ZNF709: variants seen among roughly 807,000 people sequenced by gnomAD.
ZNF709 encodes zinc finger protein 709.
In ZNF709, 15 loss-of-function variants were observed where a neutral mutation model predicts 10.6. That is an observed-to-expected ratio of 1.41 (90% CI 0.95 to 2.18). ZNF709 has a LOEUF of 2.18. Among genes scored for constraint, ZNF709 ranks in the 30% most tolerant of loss-of-function variants. ZNF709 has a pLI of 0.00. For synonymous variants in ZNF709, 194 were observed against 238.8 expected (o/e 0.81, Z 1.73); for missense variants, 589 against 774.0 (o/e 0.76, Z 2.84).
intron 3 of ZNF709, among the ~76,000 whole-genome samples, chr19:12,466,212 A>AT (rs1176734524): frequency 2.6e-5 from 4 of 152,228 alleles, no homozygotes; most frequent in Non-Finnish European, 5.9e-5. Context: ...AAGTGCTAGG[A>AT]TTACAGGCAT....
chr19:12,468,435 A>T (rs530527660), intron 1 of ZNF709, among the ~76,000 whole-genome samples: 1 of 151,958 alleles, frequency 6.6e-6, no homozygotes. Context: ...GTGTCCACTC[A>T]GGGTTAAATG....
At chr19:12,467,423 G>A (rs997503282) in intron 1 of ZNF709, among the ~76,000 whole-genome samples, 2 of 152,340 alleles carry the variant, frequency 1.3e-5, no homozygotes, top group African/African-American at 2.4e-5. Flanking sequence ...GATTGCAGAC[G>A]GAGTCTCGTT....
chr19:12,465,093 C>T lies in ZNF709; in HGVS notation c.829G>A (p.Glu277Lys), dbSNP rs148352272. ...CATTGCTTACACTGATAGGGTTTTT[C>T]CCCAGTGTGAGTCCTTTCATGTATT... is the stretch of plus-strand genomic sequence containing the variant. ...FQIHERTHTGEKPYQCKQCGK... is the reference protein window; with the variant it reads ...FQIHERTHTGKKPYQCKQCGK... The change falls in exon 4 of 4, where the codon GAA becomes AAA. Residue 277 changes from glutamate to lysine, a missense_variant. Coordinates refer to ENST00000397732, the MANE Select transcript of ZNF709 (RefSeq NM_152601.4). 2.0e-5 allele frequency: 33 copies of T among 1,612,330 alleles called. No homozygotes were observed. The East Asian group carries it at 6.2e-4, about 30-fold the overall frequency.
rs1394079903 is a variant in ZNF709 at position 12,465,513 on chromosome 19, C to T, written c.409G>A (p.Glu137Lys). Reference sequence around the variant, plus strand: ...CATTCCTTACATTCATATGATTTCTCTCCATATTTGTGATATTCATATGAT... The same window carrying T: ...CATTCCTTACATTCATATGATTTCTTTCCATATTTGTGATATTCATATGAT... ...HRSYEYHKYGEKSYECKECGK... is the reference protein window; with the variant it reads ...HRSYEYHKYGKKSYECKECGK... Residue 137 changes from glutamate (E) to lysine (K), a missense_variant, in exon 4 of 4, where the codon GAG becomes AAG. This residue lies in a region of ZNF709 where 418 missense variants were observed against 496.3 expected (regional missense o/e 0.84). Transcript: ENST00000397732. The T allele has an allele frequency of 6.2e-7, 1 of 1,610,134 alleles. No homozygotes were observed. Among genetic ancestry groups the T allele is most frequent in the Non-Finnish European group, 8.5e-7 (1 of 1,178,720 alleles).
chr19:12,465,156 G>A lies in ZNF709; in HGVS notation c.766C>T (p.Gln256Ter), dbSNP rs1414117159. ...TAATATCTGAAAGCTTTTCCACATT[G>A]TTTACATTCATAGGGTTTCTCTCCA... Reference protein sequence around the residue: ...HSGEKPYECKQCGKAFRYYQT... With the variant: ...HSGEKPYECK The change falls in exon 4 of 4, where the codon CAA (glutamine) becomes TAA (stop). Residue 256 changes from glutamine (Q) to a stop codon, truncating the protein, a stop_gained. Transcript: ENST00000397732. LOFTEE classifies it low-confidence loss of function (END_TRUNC). 6.2e-7 allele frequency: 1 copy of A among 1,612,718 alleles called. No individual in the cohort carries two copies. The highest frequency in any genetic ancestry group is 8.5e-7 in the Non-Finnish European group (1 of 1,179,694).
chr19:12,465,456 G>T lies in ZNF709; in HGVS notation c.466C>A (p.Arg156=). The change falls in exon 4 of 4, where the codon CGA becomes AGA. Residue 156 remains arginine, a synonymous_variant. Coordinates refer to ENST00000397732, the MANE Select transcript of ZNF709 (RefSeq NM_152601.4). The stretch of plus-strand genomic sequence containing the variant: ...CCAGTGTGAGTTCTTTCATGTATTC[G>T]AAATGAACTTCGAAAGCTGAATCTT... ...GKRFSFRSSF[R]IHERTHTGEK... The T allele has an allele frequency of 6.2e-7, 1 of 1,610,840 alleles. No homozygotes were observed. Among genetic ancestry groups the T allele is most frequent in the Non-Finnish European group, 8.5e-7 (1 of 1,178,898 alleles).
intron 1 of ZNF709, among the ~76,000 whole-genome samples, chr19:12,482,050 G>A (rs1243487202): frequency 2.0e-5 from 3 of 151,736 alleles, no homozygotes; most frequent in Admixed American, 1.3e-4. Flanking sequence ...TGTAATCCCA[G>A]CACTTTGAGA....
At chr19:12,475,188 G>A (rs776818741) in intron 1 of ZNF709, among the ~76,000 whole-genome samples, 16 of 150,086 alleles carry the variant, frequency 1.1e-4, no homozygotes, top group Non-Finnish European at 2.4e-4. Flanking sequence ...AACCCAGGAT[G>A]CGGAGGTTGC....
intron 1 of ZNF709, among the ~76,000 whole-genome samples, chr19:12,481,904 C>A: frequency 5.6e-5 from 4 of 70,868 alleles, no homozygotes; most frequent in African/African-American, 1.7e-4. Context: ...GAGTGAGACA[C>A]TGACTTAAAA....
Position 12,465,395 on chromosome 19 carries a change from G to C in ZNF709, c.527C>G (p.Ala176Gly). ...KPYKCKQCGK[A>G]FSWPSSFQIH... ...TTGAAAGGAACTGGGCCAACTGAAA[G>C]CCTTACCACACTGTTTACATTTATA... Residue 176 changes from alanine to glycine, a missense_variant, in exon 4 of 4, where the codon GCT (alanine) becomes GGT (glycine). Around this residue, in one of 2 missense-constraint regions of ZNF709, gnomAD observed 418 missense variants for 496.3 expected, o/e 0.84. Coordinates refer to ENST00000397732, the MANE Select transcript of ZNF709 (RefSeq NM_152601.4). 2 of 1,613,810 alleles carry C rather than the reference G, an allele frequency of 1.2e-6. No individual in the cohort carries two copies. Among genetic ancestry groups the C allele is most frequent in the African/African-American group, 2.7e-5 (2 of 75,002 alleles).
intron 3 of ZNF709, 32 bp downstream of exon 3, chr19:12,466,430 A>C: frequency 6.3e-7 from 1 of 1,592,592 alleles, no homozygotes; most frequent in Non-Finnish European, 8.6e-7. Context: ...TTCTCTCATA[A>C]GACAGTATTT....
intron 3 of ZNF709, 78 bp from the exon 4 acceptor site, chr19:12,465,811 A>G (rs1970565551): frequency 1.7e-6 from 2 of 1,181,254 alleles, no homozygotes; most frequent in Admixed American, 7.0e-5. Flanking sequence ...TGATTATTTC[A>G]CAATCATTAG....
chr19:12,465,869 A>G lies in ZNF709; in HGVS notation c.189-136T>C. ...GCCATTTTCAGGGAAAGTGTATGTC[A>G]TGAATGCTCAGGAAGAGTACTTGAC... On this transcript the variant is annotated intron_variant, in intron 3 of 3. Coordinates refer to ENST00000397732, the MANE Select transcript of ZNF709 (RefSeq NM_152601.4). 8 of 607,006 alleles carry G rather than the reference A, an allele frequency of 1.3e-5. No homozygotes were observed. The South Asian group carries it at 2.8e-4, about 21-fold the overall frequency. The allele number at this position is 607,006 out of a possible 1,614,324, so 37.6% of individuals were successfully genotyped here.
chr19:12,475,063 GC>G (rs1185609191), intron 1 of ZNF709, among the ~76,000 whole-genome samples: 1 of 151,862 alleles, frequency 6.6e-6, no homozygotes, highest in Non-Finnish European at 1.5e-5. Context: ...TTGGACACCA[GC>G]CTGTCCAAAG....
In ZNF709 at chr19:12,461,451, T is replaced by TA. The variant is rs1405060130; in HGVS notation, c.*2544dup. ...CTTATTCTTACACTGTAGGACTGGG[T>TA]AAGTGCATTCCCTGCACAGTGCAGT... On this transcript the variant is annotated 3_prime_UTR_variant, in exon 4 of 4. Transcript: ENST00000397732. 1 of 152,112 alleles carries TA rather than the reference T, an allele frequency of 6.6e-6. No individual in the cohort carries two copies. The highest frequency in any genetic ancestry group is 1.5e-5 in the Non-Finnish European group (1 of 68,022). 9.4% of individuals were successfully genotyped at this position (152,112 alleles called of 1,614,324 possible).
chr19:12,464,953 A>G lies in ZNF709; in HGVS notation c.969T>C (p.Phe323=). Residue 323 remains phenylalanine (F), a synonymous_variant, in exon 4 of 4, where the codon TTT becomes TTC. Coordinates refer to ENST00000397732, the MANE Select transcript of ZNF709 (RefSeq NM_152601.4). ...CTGTATGAATTCTTTCATGTTTTCT[A>G]AAGGAACTAGGAAAACTGAAGGCTT... ...CGKAFSFPSS[F]RKHERIHTGE... The G allele has an allele frequency of 6.2e-7, 1 of 1,605,000 alleles. No individual in the cohort carries two copies. The highest frequency in any genetic ancestry group is 8.5e-7 in the Non-Finnish European group (1 of 1,177,130).
At chr19:12,466,409 G>T in intron 3 of ZNF709, 53 bp downstream of exon 3, 2 of 1,486,774 alleles carry the variant, frequency 1.3e-6, no homozygotes, top group Non-Finnish European at 1.9e-6. Context: ...AAACCTAATG[G>T]CATGCTAAGA....
At chr19:12,475,252 C>T (rs1432507632) in intron 1 of ZNF709, among the ~76,000 whole-genome samples, 2 of 53,608 alleles carry the variant, frequency 3.7e-5, no homozygotes, top group African/African-American at 5.8e-5. Flanking sequence ...AGTGAGATTC[C>T]GTCTTAAAAA....
rs895225193 is a variant in ZNF709 at position 12,467,970 on chromosome 19, G to A, written c.4-1120C>T. ...CCGCACGGCCAGCCGCCCCGTCCGG[G>A]AGGGAGGTGGGGGTCAGCCCCCGCA... On this transcript the variant is annotated intron_variant, in intron 1 of 3. Coordinates refer to ENST00000397732, the MANE Select transcript of ZNF709 (RefSeq NM_152601.4). 1.4e-4 allele frequency among the ~76,000 whole-genome samples: 21 copies of A among 151,762 alleles called. 2 individuals are homozygous for A. The highest frequency in any genetic ancestry group is 1.0e-3 in the Admixed American group (16 of 15,270).
Sources: gnomAD v4.1 joint callset for allele counts (sites outside exome capture counted in the v4.1 genomes callset) on GRCh38, gnomAD v4.1.1 for gene constraint, gnomAD v4.1.1 regional missense constraint, MANE v1.5 for transcripts, NCBI Gene and HGNC (gene_info 2026-07-23, HGNC 2026-07-21) for gene names.